ANXA7: variants seen among roughly 807,000 people sequenced by gnomAD.
ANXA7 encodes annexin A7.
A neutral mutation model predicts 64.9 loss-of-function variants in ANXA7; 55 were observed. The observed-to-expected ratio is 0.85, with a 90% confidence interval of 0.68 to 1.06. The LOEUF (loss-of-function observed/expected upper bound fraction) is 1.06. Among genes scored for constraint, ANXA7 ranks in the 50% least tolerant of loss-of-function variants. The probability of loss-of-function intolerance (pLI) is 0.00; values close to 1 mark genes in which losing one functional copy is unlikely to be tolerated. For synonymous variants in ANXA7, 200 were observed against 192.4 expected (o/e 1.04, Z -0.33); for missense variants, 548 against 582.1 (o/e 0.94, Z 0.60).
intron 3 of ANXA7, 72 bp downstream of exon 3, chr10:73,398,109 A>T (rs2055604345): frequency 2.1e-6 from 3 of 1,446,058 alleles, no homozygotes; most frequent in Non-Finnish European, 2.8e-6. Flanking sequence ...GCAGGAATGA[A>T]GAGGATAAAG....
chr10:73,408,274 T>C (rs1392023311), intron 1 of ANXA7: 1 of 151,206 alleles, frequency 6.6e-6, no homozygotes, highest in African/African-American at 2.4e-5. Context: ...GAGTCGTGTT[T>C]GCATCATTGC....
At chr10:73,379,179 AT>A (rs2055234156) in intron 11 of ANXA7, among the ~76,000 whole-genome samples, 156 bp from the exon 12 acceptor site, 1 of 151,944 alleles carries the variant, frequency 6.6e-6, no homozygotes, top group African/African-American at 2.4e-5. Flanking sequence ...GCTCTCCTTG[AT>A]TTTTTTTGAG....
At chr10:73,410,752 A>G (rs1330193053) in intron 1 of ANXA7, among the ~76,000 whole-genome samples, 1 of 150,554 alleles carries the variant, frequency 6.6e-6, no homozygotes, top group African/African-American at 2.5e-5. Flanking sequence ...ATTGCACTCC[A>G]GCCTGGCAAC....
intron 7 of ANXA7, 112 bp from the exon 8 acceptor site, chr10:73,383,802 T>G: frequency 1.3e-6 from 1 of 742,112 alleles, no homozygotes; most frequent in Non-Finnish European, 2.3e-6. Context: ...AAACCTAAAT[T>G]TGAAAGCTGA....
chr10:73,382,723 CAAAAT>C lies in ANXA7; in HGVS notation c.918+447_918+451del, dbSNP rs527821175. 1.1e-3 allele frequency among the ~76,000 whole-genome samples: 174 copies of C among 152,220 alleles called. 4 individuals are homozygous for C. In the South Asian group the frequency reaches 0.035, roughly 31 times the overall value. On this transcript the variant is annotated intron_variant, in intron 9 of 12. Coordinates refer to ENST00000372921, the MANE Select transcript of ANXA7 (RefSeq NM_001156.5). Reference sequence around the variant, plus strand: ...CAATTCTCCAGCACACCTGGGGAATCAAAATAAAGAAGGTGCTAATCACAGTTATT... The same window carrying C: ...CAATTCTCCAGCACACCTGGGGAATCAAAGAAGGTGCTAATCACAGTTATT...
intron 9 of ANXA7, among the ~76,000 whole-genome samples, chr10:73,382,530 G>A (rs1295133716): frequency 6.6e-6 from 1 of 151,946 alleles, no homozygotes; most frequent in Non-Finnish European, 1.5e-5. Flanking sequence ...ATTTTTTATA[G>A]AGATGGTTTC....
intron 7 of ANXA7, 34 bp downstream of exon 7, chr10:73,387,655 C>A: frequency 1.3e-6 from 2 of 1,489,882 alleles, no homozygotes; most frequent in Non-Finnish European, 1.9e-6. Context: ...CTACCAGCCA[C>A]TGCTGGTGCT....
Position 73,388,366 on chromosome 10 carries a change from T to C in ANXA7, c.484A>G (p.Asn162Asp). ...TCTGCATCTCTTATAGCATCGAAGT[T>C]GGCAGCTGGTCGGATAGTTCCTTGA... ...VTQGTIRPAA[N>D]FDAIRDAEIL... Residue 162 changes from asparagine (N) to aspartate (D), a missense_variant, in exon 6 of 13, where the codon AAC becomes GAC. Transcript: ENST00000372921. The C allele has an allele frequency of 6.2e-7, 1 of 1,614,134 alleles. No individual in the cohort carries two copies. The highest frequency in any genetic ancestry group is 8.5e-7 in the Non-Finnish European group (1 of 1,179,984).
chr10:73,396,656 A>T (rs2055581171), intron 4 of ANXA7, 73 bp from the exon 5 acceptor site: 2 of 837,094 alleles, frequency 2.4e-6, no homozygotes, highest in Non-Finnish European at 3.8e-6. Context: ...AACAGCATTG[A>T]TGACTATGAA....
At chr10:73,404,148 A>G (rs1037544691) in intron 1 of ANXA7, among the ~76,000 whole-genome samples, 1 of 152,204 alleles carries the variant, frequency 6.6e-6, no homozygotes, top group Non-Finnish European at 1.5e-5. Context: ...TTAAAATTAG[A>G]ATGCTTTCTG....
intron 5 of ANXA7, 94 bp downstream of exon 5, chr10:73,396,425 G>C (rs2132681165): frequency 9.2e-6 from 8 of 868,376 alleles, no homozygotes; most frequent in East Asian, 2.4e-5. Flanking sequence ...ACTATAATGG[G>C]CCATTTCCTC....
intron 1 of ANXA7, among the ~76,000 whole-genome samples, chr10:73,412,882 AC>A (rs2055867414): frequency 6.8e-6 from 1 of 147,452 alleles, no homozygotes; most frequent in South Asian, 2.1e-4. Flanking sequence ...AACCACCTCC[AC>A]CCAGTGAGTC....
intron 1 of ANXA7, among the ~76,000 whole-genome samples, chr10:73,412,148 T>G (rs1160346384): frequency 6.6e-6 from 1 of 152,178 alleles, no homozygotes; most frequent in Non-Finnish European, 1.5e-5. Context: ...GAGATTCTTG[T>G]GCCTCAACCT....
At chr10:73,401,581 C>T (rs1028044965) in intron 1 of ANXA7, among the ~76,000 whole-genome samples, 6 of 152,050 alleles carry the variant, frequency 3.9e-5, no homozygotes, top group African/African-American at 1.4e-4. Flanking sequence ...CTCATTGCAA[C>T]CTCCGCCTCC....
chr10:73,411,652 G>A (rs1268598656), intron 1 of ANXA7, among the ~76,000 whole-genome samples: 4 of 151,954 alleles, frequency 2.6e-5, no homozygotes, highest in Non-Finnish European at 4.4e-5. Context: ...GGCTAGTCTC[G>A]AACTCCTGAC....
At chr10:73,401,017 T>C (rs2055654934) in intron 1 of ANXA7, among the ~76,000 whole-genome samples, 160 bp from the exon 2 acceptor site, 1 of 152,168 alleles carries the variant, frequency 6.6e-6, no homozygotes. Context: ...GCGATTCTCC[T>C]GCCTCAGCCT....
intron 5 of ANXA7, chr10:73,396,082 G>A: frequency 6.2e-7 from 1 of 1,601,684 alleles, no homozygotes; most frequent in Non-Finnish European, 8.6e-7. Flanking sequence ...GAGAAAACAG[G>A]ATAGGAAGAA....
At chr10:73,383,057 T>TA in intron 9 of ANXA7, 118 bp downstream of exon 9, 1 of 879,930 alleles carries the variant, frequency 1.1e-6, no homozygotes, top group Non-Finnish European at 1.7e-6. Context: ...TTGTCCCTCT[T>TA]AAAGATGGCA....
At chr10:73,377,904 C>CGT (rs141696096) in intron 12 of ANXA7, among the ~76,000 whole-genome samples, 9,869 of 119,306 alleles carry the variant, frequency 0.083, 427 homozygotes, top group East Asian at 0.17. Context: ...CACGCCCCGG[C>CGT]GTGTGTGTGT....
Sources: gnomAD v4.1 joint callset for allele counts (sites outside exome capture counted in the v4.1 genomes callset) on GRCh38, gnomAD v4.1.1 for gene constraint, MANE v1.5 for transcripts, NCBI Gene and HGNC (gene_info 2026-07-23, HGNC 2026-07-21) for gene names.